The following ATP6V1H variants were observed in gnomAD, a reference collection of about 807,000 sequenced individuals.
The protein encoded by ATP6V1H is ATPase H+ transporting V1 subunit H, also known as V-type proton ATPase subunit H.
ATP6V1H carries 39 observed loss-of-function variants against 71.7 expected under a neutral mutation model. The observed-to-expected ratio is 0.54, with a 90% CI of 0.42 to 0.71. ATP6V1H has a LOEUF of 0.71. ATP6V1H is among the 30% of genes least tolerant of loss of function. The probability of loss-of-function intolerance (pLI) is 0.00; values close to 1 mark genes in which losing one functional copy is unlikely to be tolerated. For missense variants in ATP6V1H, 509 were observed against 594.9 expected, an observed-to-expected ratio of 0.86 and a Z score of 1.50; for synonymous variants, 192 against 199.3, an observed-to-expected ratio of 0.96 and a Z score of 0.31.
chr8:53,817,714 T>C (rs987543405), intron 4 of ATP6V1H, among the ~76,000 whole-genome samples, 184 bp from the exon 5 acceptor site: 1 of 152,054 alleles, frequency 6.6e-6, no homozygotes, highest in Non-Finnish European at 1.5e-5. Context: ...ACAGATATTT[T>C]ACTAAAAAAA....
In ATP6V1H at chr8:53,717,966, A is replaced by G. The variant is rs140975479; in HGVS notation, c.1392-1942T>C. ...GACGTGGTTCTCTCCCTAAAGCACC[A>G]ATGTCAAGGACCAACTTCTAAATGT... On this transcript the variant is annotated intron_variant, in intron 13 of 13. Transcript: ENST00000359530. Among the ~76,000 whole-genome samples, 347 of 152,280 alleles carry G rather than the reference A, an allele frequency of 2.3e-3. 2 individuals are homozygous for G. Among genetic ancestry groups the G allele is most frequent in the African/African-American group, 8.1e-3 (336 of 41,554 alleles).
chr8:53,755,711 TATATATATATATATATATATATATATA>T (rs1563451015), intron 12 of ATP6V1H, among the ~76,000 whole-genome samples: 2 of 5,106 alleles, frequency 3.9e-4, no homozygotes, highest in African/African-American at 1.9e-3. Flanking sequence ...TATATATATA[TATATATATATATATATATATATATATA>T]TATATATTTT....
At chr8:53,717,525 G>C (rs1002652566) in intron 13 of ATP6V1H, among the ~76,000 whole-genome samples, 13 of 152,156 alleles carry the variant, frequency 8.5e-5, no homozygotes, top group African/African-American at 3.1e-4. Context: ...TAATATTCTT[G>C]TGCTACCAGG....
rs1467612684 is a variant in ATP6V1H at position 53,734,140 on chromosome 8, GC to G, written c.1391+9436del. 2.6e-5 allele frequency among the ~76,000 whole-genome samples: 4 copies of G among 152,228 alleles called. No individual in the cohort carries two copies. The East Asian group carries it at 7.7e-4, about 29-fold the overall frequency. On this transcript the variant is annotated intron_variant, in intron 13 of 13. Coordinates refer to ENST00000359530, the MANE Select transcript of ATP6V1H (RefSeq NM_015941.4). The stretch of plus-strand genomic sequence containing the variant: ...CAAAGGACATCATTGGCTAACGAAT[GC>G]TAGACTAACCAAGTACAAAGGCTTG...
rs148303562 is a variant in ATP6V1H, at chr8:53,779,007, G to A, written c.871-6840C>T. On this transcript the variant is annotated intron_variant, in intron 9 of 13. Coordinates refer to ENST00000359530, the MANE Select transcript of ATP6V1H (RefSeq NM_015941.4). Reference sequence around the variant, plus strand: ...AAGTCCAGTTCATCAGGAAAATGTAGCATTCATTGTGTTTTAATTACAGAG... The same window carrying A: ...AAGTCCAGTTCATCAGGAAAATGTAACATTCATTGTGTTTTAATTACAGAG... 2.2e-3 allele frequency among the ~76,000 whole-genome samples: 339 copies of A among 152,312 alleles called. 2 individuals carry two copies. The highest frequency in any genetic ancestry group is 7.9e-3 in the African/African-American group (328 of 41,562).
At chr8:53,819,957 C>T (rs879829651) in intron 4 of ATP6V1H, among the ~76,000 whole-genome samples, 20 of 151,598 alleles carry the variant, frequency 1.3e-4, no homozygotes, top group Admixed American at 1.3e-3. Context: ...CTAAAAACTA[C>T]ACAAAACCCA....
chr8:53,819,547 CATATATATATATATAT>C lies in ATP6V1H; in HGVS notation c.307-2033_307-2018del, dbSNP rs34645455. 8.2e-3 allele frequency among the ~76,000 whole-genome samples: 287 copies of C among 35,132 alleles called. 7 individuals carry two copies. Among genetic ancestry groups the C allele is most frequent in the Non-Finnish European group, 0.011 (231 of 21,170 alleles). The allele number at this position is 35,132 out of a possible 152,430, so 23.0% of individuals were successfully genotyped here. On this transcript the variant is annotated intron_variant, in intron 4 of 13. Transcript: ENST00000359530. ...AATCTATCTCAAAAAAAAAAAAAAG[CATATATATATATATAT>C]ATATATATATATATATATATATAAA...
At chr8:53,829,309 A>G (rs997990407) in intron 4 of ATP6V1H, 135 bp downstream of exon 4, 1 of 599,798 alleles carries the variant, frequency 1.7e-6, no homozygotes, top group South Asian at 1.9e-5. Flanking sequence ...TACAACCCAC[A>G]TAAATGAGAA....
chr8:53,832,751 C>G (rs570282723), intron 3 of ATP6V1H: 1 of 335,992 alleles, frequency 3.0e-6, no homozygotes, highest in Admixed American at 4.7e-5. Context: ...AGTTAAGCAA[C>G]TTTTAAAACT....
At chr8:53,839,630 A>C in intron 2 of ATP6V1H, 1 of 985,374 alleles carries the variant, frequency 1.0e-6, no homozygotes, top group Non-Finnish European at 1.2e-6. Flanking sequence ...CTCACCCTTC[A>C]TGCTGCTAGT....
intron 13 of ATP6V1H, among the ~76,000 whole-genome samples, chr8:53,716,588 GCA>G (rs1480724935): frequency 1.3e-5 from 2 of 152,172 alleles, no homozygotes; most frequent in Middle Eastern, 3.2e-3. Context: ...CTCTGCACCA[GCA>G]CAGTCTAAAG....
intron 11 of ATP6V1H, among the ~76,000 whole-genome samples, chr8:53,767,521 CT>C (rs201078110): frequency 4.0e-5 from 6 of 151,434 alleles, no homozygotes; most frequent in Admixed American, 1.3e-4. Context: ...AAGATACACT[CT>C]TTTTTTTTAT....
chr8:53,808,198 T>C lies in ATP6V1H; in HGVS notation c.579+2966A>G, dbSNP rs145981935. Among the ~76,000 whole-genome samples the C allele has an allele frequency of 2.2e-3, 335 of 152,232 alleles. 2 individuals are homozygous for C. Among genetic ancestry groups the C allele is most frequent in the African/African-American group, 7.8e-3 (324 of 41,552 alleles). ...AAAATGAAGCTAGGGAGGGGAAAAA[T>C]GAAAACAGAGAAAGAAACAAATCCC... On this transcript the variant is annotated intron_variant, in intron 7 of 13. Transcript: ENST00000359530.
chr8:53,784,076 A>C (rs1320406822), intron 9 of ATP6V1H, among the ~76,000 whole-genome samples: 1 of 67,870 alleles, frequency 1.5e-5, no homozygotes, highest in Admixed American at 1.8e-4. Context: ...TGCAGAGCTG[A>C]GTTCAATTCC....
At chr8:53,774,138 A>C (rs996337809) in intron 9 of ATP6V1H, among the ~76,000 whole-genome samples, 1 of 152,228 alleles carries the variant, frequency 6.6e-6, no homozygotes, top group Non-Finnish European at 1.5e-5. Context: ...AAGTTTCCCA[A>C]ATTCAATCTC....
chr8:53,761,484 G>C (rs750211452), intron 11 of ATP6V1H, among the ~76,000 whole-genome samples: 7 of 151,930 alleles, frequency 4.6e-5, no homozygotes, highest in Non-Finnish European at 7.4e-5. Context: ...CTTTTCAAAA[G>C]TCTCTTTAAG....
chr8:53,839,244 A>C (rs149381688), intron 2 of ATP6V1H, among the ~76,000 whole-genome samples: 245 of 152,316 alleles, frequency 1.6e-3, no homozygotes, highest in African/African-American at 5.3e-3. Flanking sequence ...CAACAATATT[A>C]TTCTATGTAG....
chr8:53,731,490 T>C (rs1380987998), intron 13 of ATP6V1H, among the ~76,000 whole-genome samples: 1 of 152,180 alleles, frequency 6.6e-6, no homozygotes, highest in Non-Finnish European at 1.5e-5. Context: ...ATTGTGAAGC[T>C]TTCTGTTCTG....
At chr8:53,756,362 G>A (rs563296542) in intron 12 of ATP6V1H, 193 bp downstream of exon 12, 3 of 383,950 alleles carry the variant, frequency 7.8e-6, no homozygotes, top group African/African-American at 2.0e-5. Context: ...TATTACAGGC[G>A]TGAGCCACTG....
Sources: gnomAD v4.1 joint callset for allele counts (sites outside exome capture counted in the v4.1 genomes callset) on GRCh38, gnomAD v4.1.1 for gene constraint, MANE v1.5 for transcripts, NCBI Gene and HGNC (gene_info 2026-07-23, HGNC 2026-07-21) for gene names.